MYSM1: variants seen among roughly 807,000 people sequenced by gnomAD.
The protein encoded by MYSM1 is deubiquitinase MYSM1.
A neutral mutation model predicts 116.0 loss-of-function variants in MYSM1; 51 were observed. The ratio of observed to expected loss-of-function variants is 0.44; its 90% CI spans 0.35 to 0.56. The LOEUF (loss-of-function observed/expected upper bound fraction) is 0.56, where lower values mean the gene tolerates loss of function less well. Ranked by LOEUF, MYSM1 falls within the 20% of genes least tolerant of loss-of-function variation. The pLI is 0.00. For missense variants in MYSM1, 900 were observed against 974.9 expected (o/e 0.92, Z 1.02); for synonymous variants, 313 against 315.2 (o/e 0.99, Z 0.07).
chr1:58,691,275 G>A (rs1644902776), intron 3 of MYSM1, among the ~76,000 whole-genome samples: 4 of 149,056 alleles, frequency 2.7e-5, no homozygotes, highest in South Asian at 4.3e-4. Flanking sequence ...GCGAGACTCC[G>A]TCTCAAAAAA....
At chr1:58,686,359 A>G (rs958307895) in intron 6 of MYSM1, among the ~76,000 whole-genome samples, 1 of 152,228 alleles carries the variant, frequency 6.6e-6, no homozygotes, top group Non-Finnish European at 1.5e-5. Flanking sequence ...TATCCCCAAC[A>G]TAAGATATTC....
intron 12 of MYSM1, among the ~76,000 whole-genome samples, chr1:58,669,857 A>AAAAAAAAAAAC (rs1553135842): frequency 2.3e-5 from 2 of 86,060 alleles, no homozygotes; most frequent in African/African-American, 4.3e-5. Flanking sequence ...AAAAAAAAAA[A>AAAAAAAAAAAC]AAAAACAAAA....
chr1:58,692,807 A>G (rs1644921083), intron 3 of MYSM1, 54 bp downstream of exon 3: 1 of 1,422,498 alleles, frequency 7.0e-7, no homozygotes, highest in Admixed American at 2.1e-5. Context: ...TTTTGCATTT[A>G]TAGATTTTTT....
intron 8 of MYSM1, among the ~76,000 whole-genome samples, chr1:58,679,778 A>C (rs1644710085): frequency 6.6e-6 from 1 of 152,110 alleles, no homozygotes; most frequent in Non-Finnish European, 1.5e-5. Flanking sequence ...CTGTAATCCC[A>C]GAACTTTGGG....
intron 16 of MYSM1, among the ~76,000 whole-genome samples, chr1:58,666,789 A>T (rs1260983038): frequency 2.6e-5 from 4 of 151,466 alleles, no homozygotes; most frequent in Non-Finnish European, 4.4e-5. Context: ...CAGGAGAATC[A>T]CTTGAACCTA....
In MYSM1 at chr1:58,682,504, G is replaced by A. The variant is rs750003654; in HGVS notation, c.540C>T (p.Thr180=). 1.1e-5 allele frequency: 17 copies of A among 1,612,316 alleles called. No individual in the cohort carries two copies. Among genetic ancestry groups the A allele is most frequent in the South Asian group, 6.6e-5 (6 of 90,834 alleles). The change falls in exon 8 of 20, where the codon ACC becomes ACT. Residue 180 remains threonine, a synonymous_variant. Transcript: ENST00000472487. ...GLDKETPNQK[T]GHNLQVKNED... ...CATTTTTAACTTGAAGATTATGGCCGGTCTTCTGATTTGGTGTTTCTTTAT... is the reference window on the plus strand; with the variant it reads ...CATTTTTAACTTGAAGATTATGGCCAGTCTTCTGATTTGGTGTTTCTTTAT...
In MYSM1 at chr1:58,682,461, C is replaced by T. The variant is rs565011535; in HGVS notation, c.583G>A (p.Ala195Thr). The T allele has an allele frequency of 6.2e-7, 1 of 1,614,086 alleles. No homozygotes were observed. The highest frequency in any genetic ancestry group is 1.3e-5 in the African/African-American group (1 of 75,036). ...QVKNEDKGTK[A>T]WTPSCLRGRA... is the part of the protein sequence containing the mutation. ...CCCCTTAAACATGATGGTGTCCATGCCTTTGTCCCTTTATCTTCATTTTTA... is the reference window on the plus strand; with the variant it reads ...CCCCTTAAACATGATGGTGTCCATGTCTTTGTCCCTTTATCTTCATTTTTA... The change falls in exon 8 of 20, where the codon GCA becomes ACA. Residue 195 changes from alanine to threonine, a missense_variant. Ala to Thr is a moderately conservative substitution (Grantham distance 58). This residue lies in a region of MYSM1 where 622 missense variants were observed against 623.7 expected (regional missense o/e 1.00). Transcript: ENST00000472487.
intron 12 of MYSM1, among the ~76,000 whole-genome samples, chr1:58,670,108 A>G (rs1379320777): frequency 6.6e-6 from 1 of 152,188 alleles, no homozygotes; most frequent in African/African-American, 2.4e-5. Context: ...CTTCAAGAGA[A>G]CATTTTGTTT....
chr1:58,689,164 T>G (rs751412232), intron 5 of MYSM1, 48 bp from the exon 6 acceptor site: 2 of 1,422,030 alleles, frequency 1.4e-6, no homozygotes, highest in Non-Finnish European at 9.7e-7. Context: ...AAATGGAACA[T>G]TCCATATTTA....
Position 58,656,935 on chromosome 1 carries a change from CTT to C in MYSM1, c.*3060_*3061del, listed in dbSNP as rs35042971. 1.6e-4 allele frequency: 24 copies of C among 151,976 alleles called. No homozygotes were observed. The highest frequency in any genetic ancestry group is 5.8e-4 in the African/African-American group (24 of 41,378). 9.4% of individuals were successfully genotyped at this position (151,976 alleles called of 1,614,324 possible). A position where few individuals can be genotyped will look rare whatever the true frequency, so the allele number is the denominator to read the frequency against. ...ATACAGATACAATTGTAAAATATCA[CTT>C]TTAATTTTGTATGGAAGAAGGGGTC... On this transcript the variant is annotated 3_prime_UTR_variant, in exon 20 of 20. Transcript: ENST00000472487.
At position 58,692,921 on chromosome 1, in the gene MYSM1, A is replaced by C. The variant is rs141971359; in HGVS notation, c.158T>G (p.Leu53Trp). 1 of 1,607,046 alleles carries C rather than the reference A, an allele frequency of 6.2e-7. No homozygotes were observed. The highest frequency in any genetic ancestry group is 8.5e-7 in the Non-Finnish European group (1 of 1,177,020). Residue 53 changes from leucine to tryptophan, a missense_variant, in exon 3 of 20, where the codon TTG becomes TGG. Transcript: ENST00000472487. ...RTENGLIPWT[L>W]DNTISEENRA... ...GTTCTCTTCACTGATGGTGTTATCC[A>C]AGGTCCAAGGCTATTAAAAAAGAGA...
chr1:58,661,281 A>T, intron 18 of MYSM1, 54 bp from the exon 19 acceptor site: 1 of 1,440,500 alleles, frequency 6.9e-7, no homozygotes, highest in Non-Finnish European at 9.8e-7. Flanking sequence ...TAAACTAATC[A>T]GTTTCATAAT....
intron 8 of MYSM1, among the ~76,000 whole-genome samples, chr1:58,681,368 C>T (rs1484078200): frequency 6.6e-6 from 1 of 152,176 alleles, no homozygotes; most frequent in South Asian, 2.1e-4. Flanking sequence ...CATTTAAGAT[C>T]ACTATTTAGA....
At chr1:58,669,982 T>C (rs937317544) in intron 12 of MYSM1, among the ~76,000 whole-genome samples, 1 of 150,796 alleles carries the variant, frequency 6.6e-6, no homozygotes, top group African/African-American at 2.4e-5. Context: ...TTAAGAACAA[T>C]AAAAAGGTTT....
Position 58,682,679 on chromosome 1 carries a change from G to A in MYSM1, c.499-134C>T, listed in dbSNP as rs199602503. ...AAATGGTACATTATACCTCTAATGC[G>A]CTTTTCTTTTTTTTCTTTTCTTTTT... On this transcript the variant is annotated intron_variant, in intron 7 of 19. Transcript: ENST00000472487. 1,723 of 697,982 alleles carry A rather than the reference G, an allele frequency of 2.5e-3. 37 individuals carry two copies. The East Asian group carries it at 0.051, about 21-fold the overall frequency. The allele number at this position is 697,982 out of a possible 1,614,324, so 43.2% of individuals were successfully genotyped here. A position where few individuals can be genotyped will look rare whatever the true frequency, so the allele number is the denominator to read the frequency against.
intron 10 of MYSM1, among the ~76,000 whole-genome samples, chr1:58,674,926 C>CA (rs1223507192): frequency 5.7e-3 from 330 of 57,586 alleles, no homozygotes; most frequent in South Asian, 0.036. Flanking sequence ...GACTCTGTCT[C>CA]AAAAAAAAAA....
chr1:58,683,879 T>TA (rs1304211787), intron 7 of MYSM1, among the ~76,000 whole-genome samples: 1 of 152,222 alleles, frequency 6.6e-6, no homozygotes, highest in Admixed American at 6.5e-5. Context: ...AAATTTTGCA[T>TA]TGATTTCATA....
In MYSM1 at chr1:58,661,510, G is replaced by A. The variant is rs550160785; in HGVS notation, c.2166C>T (p.Arg722=). ...GCTGTACTTCAAATTTGTAAGGTAA[G>A]CCTAGAAAAGCATAAAGAAGCACAT... ...SEEISPDGSY[R]LPYKFEVQQM... is the part of the protein sequence containing the mutation. Residue 722 remains arginine (R), a splice_region_variant and synonymous_variant, in exon 18 of 20, where the codon CGC becomes CGT. Transcript: ENST00000472487. The A allele has an allele frequency of 3.2e-6, 5 of 1,544,658 alleles. No individual in the cohort carries two copies. The South Asian group carries it at 4.5e-5, about 14-fold the overall frequency.
intron 3 of MYSM1, 149 bp downstream of exon 3, chr1:58,692,712 T>C: frequency 1.9e-6 from 1 of 538,966 alleles, no homozygotes; most frequent in South Asian, 3.3e-5. Context: ...AATGCTGCTT[T>C]TTGCATACAT....
Sources: allele counts gnomAD v4.1 joint callset (sites outside exome capture counted in the v4.1 genomes callset), GRCh38; gene constraint gnomAD v4.1.1; regional missense constraint gnomAD v4.1.1; transcripts MANE v1.5; gene names NCBI Gene and HGNC (gene_info 2026-07-23, HGNC 2026-07-21).